The following TCF3 variants were observed in gnomAD, a reference collection of about 807,000 sequenced individuals.
The protein encoded by TCF3 is transcription factor 3.
In TCF3, 54 loss-of-function variants were observed where a neutral mutation model predicts 72.3. The ratio of observed to expected loss-of-function variants is 0.75; its 90% CI spans 0.60 to 0.94. The LOEUF (loss-of-function observed/expected upper bound fraction) is 0.94, where lower values mean the gene tolerates loss of function less well. Ranked by LOEUF, TCF3 falls within the 40% of genes least tolerant of loss-of-function variation. TCF3 has a pLI of 0.00. For missense variants in TCF3, 1,078 were observed against 934.4 expected (o/e 1.15, Z -2.00); for synonymous variants, 525 against 412.6 (o/e 1.27, Z -3.30).
chr19:1,632,227 C>T (rs2063799978), intron 4 of TCF3, 105 bp downstream of exon 4: 3 of 1,545,860 alleles, frequency 1.9e-6, no homozygotes, highest in Admixed American at 3.9e-5. Context: ...CAGTCCAAAC[C>T]CCTGGAAGGC....
chr19:1,627,808 G>A (rs1386335820), intron 5 of TCF3, among the ~76,000 whole-genome samples: 2 of 110,430 alleles, frequency 1.8e-5, no homozygotes, highest in African/African-American at 4.3e-5. Context: ...AGAGCTCACA[G>A]GGGGTGAGGC....
rs562058872 is a variant in TCF3, at chr19:1,622,207, G to C, written c.669C>G (p.Pro223=). 1.5e-5 allele frequency: 24 copies of C among 1,556,434 alleles called. No individual in the cohort carries two copies. The African/African-American group carries it at 1.9e-4, about 12-fold the overall frequency. The change falls in exon 10 of 19, where the codon CCC becomes CCG. Residue 223 remains proline (P), a synonymous_variant. Transcript: ENST00000262965. ...PFYVADGSLH[P]SAELWSPPGQ... ...CCGGGGGACTCCAGAGCTCGGCTGA[G>C]GGGTGCAGGCTGCCATCTGTGGAGG...
chr19:1,633,228 A>G (rs1037020911), intron 3 of TCF3, among the ~76,000 whole-genome samples: 1 of 152,182 alleles, frequency 6.6e-6, no homozygotes, highest in African/African-American at 2.4e-5. Context: ...ACACCCGTGG[A>G]GAAGCAGGAG....
chr19:1,642,907 C>A (rs2065544478), intron 3 of TCF3, among the ~76,000 whole-genome samples: 1 of 152,238 alleles, frequency 6.6e-6, no homozygotes, highest in African/African-American at 2.4e-5. Context: ...AGGTGCCGTT[C>A]TGTGGATTTT....
intron 11 of TCF3, among the ~76,000 whole-genome samples, 196 bp from the exon 12 acceptor site, chr19:1,621,387 G>A (rs2146098716): frequency 6.6e-6 from 1 of 152,378 alleles, no homozygotes; most frequent in Non-Finnish European, 1.5e-5. Flanking sequence ...CCACTGGCAG[G>A]GGACCCTGGG....
At chr19:1,650,604 C>T (rs1043861412) in intron 1 of TCF3, 34 of 283,626 alleles carry the variant, frequency 1.2e-4, no homozygotes, top group African/African-American at 7.0e-4. Flanking sequence ...GTTTAAACTG[C>T]ACGCAGGGCA....
intron 3 of TCF3, among the ~76,000 whole-genome samples, chr19:1,645,891 T>C (rs1464391451): frequency 1.3e-5 from 2 of 152,148 alleles, no homozygotes; most frequent in Non-Finnish European, 2.9e-5. Flanking sequence ...GGGCCCTGCA[T>C]ACAGCAAGCG....
Position 1,611,734 on chromosome 19 carries a change from T to C in TCF3, c.1938A>G (p.Glu646=). The part of the protein sequence containing the change: ...VLSAPHPGLS[E]AHNPAGHM ...ACATGTGCCCGGCGGGGTTGTGGGC[T>C]TCGCTCAGGCCTGGGTGGGGAGCTG... Residue 646 remains glutamate, a synonymous_variant, in exon 19 of 19, where the codon GAA becomes GAG. Coordinates refer to ENST00000262965, the MANE Select transcript of TCF3 (RefSeq NM_003200.5). 3.1e-6 allele frequency: 5 copies of C among 1,613,606 alleles called. No homozygotes were observed. The highest frequency in any genetic ancestry group is 3.4e-6 in the Non-Finnish European group (4 of 1,179,896).
Position 1,620,993 on chromosome 19 carries a change from G to A in TCF3, c.1068C>T (p.Pro356=), listed in dbSNP as rs765976155. 9 of 1,513,122 alleles carry A rather than the reference G, an allele frequency of 5.9e-6. No individual in the cohort carries two copies. Among genetic ancestry groups the A allele is most frequent in the South Asian group, 3.9e-5 (3 of 77,758 alleles). The allele number at this position is 1,513,122 out of a possible 1,614,324, so 93.7% of individuals were successfully genotyped here. A position where few individuals can be genotyped will look rare whatever the true frequency, so the allele number is the denominator to read the frequency against. The change falls in exon 13 of 19, where the codon CCC becomes CCT. Residue 356 remains proline, a synonymous_variant. Transcript: ENST00000262965. The part of the protein sequence containing the change: ...SNNFSSSPST[P]VGSPQGLAGT... ...CTGCCAGGCCCTGGGGGGAGCCCAC[G>A]GGGGTAGAAGGGCTGGACGAGAAGT...
chr19:1,613,626 T>C (rs954433243), intron 18 of TCF3, among the ~76,000 whole-genome samples: 10 of 151,946 alleles, frequency 6.6e-5, no homozygotes, highest in Admixed American at 2.6e-4. Flanking sequence ...AGCAGGCAAA[T>C]ACCTGGGCCA....
chr19:1,646,518 G>A (rs1219608057), intron 2 of TCF3, 91 bp from the exon 3 acceptor site: 6 of 1,191,784 alleles, frequency 5.0e-6, no homozygotes, highest in Admixed American at 4.1e-5. Flanking sequence ...AGCAGAGCTG[G>A]GGACACCCGG....
chr19:1,619,748 G>C (rs930532811), intron 14 of TCF3, 32 bp downstream of exon 14: 1 of 1,314,430 alleles, frequency 7.6e-7, no homozygotes, highest in African/African-American at 1.5e-5. Context: ...TTCTGTCGGG[G>C]AAGGGTGGGG....
At position 1,615,010 on chromosome 19, in the gene TCF3, C is replaced by T. The variant is rs759353999; in HGVS notation, c.1822+275G>A. ...GGAGCTGGGAGATACAGTTCTGAGCCACAGAGCCCAGGCCTGAAGGACTAG... is the reference window on the plus strand; with the variant it reads ...GGAGCTGGGAGATACAGTTCTGAGCTACAGAGCCCAGGCCTGAAGGACTAG... On this transcript the variant is annotated intron_variant, in intron 18 of 18. Transcript: ENST00000262965. The surrounding 1 kb of genome is among the most constrained non-coding windows in gnomAD (Gnocchi z 7.3). 2.0e-5 allele frequency among the ~76,000 whole-genome samples: 3 copies of T among 152,128 alleles called. No individual in the cohort carries two copies. The highest frequency in any genetic ancestry group is 2.9e-5 in the Non-Finnish European group (2 of 68,022).
At chr19:1,621,101 T>C in intron 12 of TCF3, 32 bp downstream of exon 12, 2 of 1,524,966 alleles carry the variant, frequency 1.3e-6, no homozygotes, top group Non-Finnish European at 1.8e-6. Context: ...TCAGGTCACT[T>C]GCCTGGCCAC....
chr19:1,613,915 G>A (rs913866669), intron 18 of TCF3, among the ~76,000 whole-genome samples: 2 of 152,252 alleles, frequency 1.3e-5, no homozygotes, highest in Non-Finnish European at 2.9e-5. Flanking sequence ...TCTGTGCCAG[G>A]CCCAAGGCTG....
intron 13 of TCF3, among the ~76,000 whole-genome samples, chr19:1,620,727 C>G (rs1034271722): frequency 2.0e-5 from 3 of 152,176 alleles, no homozygotes; most frequent in Non-Finnish European, 4.4e-5. Flanking sequence ...AGGCAGCTTT[C>G]CTGGATTGCC....
chr19:1,642,285 C>T (rs1002245124), intron 3 of TCF3, among the ~76,000 whole-genome samples: 29 of 149,220 alleles, frequency 1.9e-4, no homozygotes, highest in African/African-American at 4.2e-4. Flanking sequence ...CGCACAGACG[C>T]GCACACGCAC....
chr19:1,645,490 G>C (rs1169139097), intron 3 of TCF3, among the ~76,000 whole-genome samples: 2 of 151,056 alleles, frequency 1.3e-5, no homozygotes, highest in Non-Finnish European at 2.9e-5. Context: ...CGCCCCGCCG[G>C]CCGGTCCCAC....
chr19:1,644,986 GGCGTTTGGGGATTTCCAC>G (rs941395318), intron 3 of TCF3, among the ~76,000 whole-genome samples: 3 of 152,138 alleles, frequency 2.0e-5, no homozygotes, highest in Admixed American at 2.0e-4. Flanking sequence ...CTGGCAGGGT[GGCGTTTGGGGATTTCCAC>G]GCCTCAGGGA....
Sources: gnomAD v4.1 joint callset for allele counts (sites outside exome capture counted in the v4.1 genomes callset) on GRCh38, gnomAD v4.1.1 for gene constraint, Gnocchi (gnomAD v3.1) non-coding constraint, MANE v1.5 for transcripts, NCBI Gene and HGNC (gene_info 2026-07-23, HGNC 2026-07-21) for gene names.